The following CLYBL variants were observed in gnomAD, a reference collection of about 807,000 sequenced individuals.
CLYBL encodes the protein citramalyl-CoA lyase, mitochondrial.
A neutral mutation model predicts 38.9 loss-of-function variants in CLYBL; 31 were observed. That is an observed-to-expected ratio of 0.80 (90% confidence interval 0.60 to 1.08). The LOEUF (loss-of-function observed/expected upper bound fraction) is 1.08. Ranked by LOEUF, CLYBL falls within the 50% of genes least tolerant of loss-of-function variation. The pLI is 0.00. For synonymous variants in CLYBL, 171 were observed against 158.6 expected (o/e 1.08, Z -0.59); for missense variants, 434 against 411.6 (o/e 1.05, Z -0.47).
chr13:99,648,137 A>G (rs535621712), intron 1 of CLYBL, among the ~76,000 whole-genome samples: 1 of 152,254 alleles, frequency 6.6e-6, no homozygotes, highest in East Asian at 1.9e-4. Flanking sequence ...ACAAATAAAG[A>G]AAGTATGTTC....
At chr13:99,793,657 A>G (rs2049963786) in intron 2 of CLYBL, among the ~76,000 whole-genome samples, 1 of 152,208 alleles carries the variant, frequency 6.6e-6, no homozygotes, top group African/African-American at 2.4e-5. Context: ...GCAAGGATTC[A>G]AATATCTCTA....
At chr13:99,774,470 A>T (rs2049468458) in intron 2 of CLYBL, among the ~76,000 whole-genome samples, 1 of 152,078 alleles carries the variant, frequency 6.6e-6, no homozygotes, top group Admixed American at 6.6e-5. Flanking sequence ...ACCTTTATCT[A>T]TCCAGGCCCT....
At chr13:99,770,080 C>CTTTTTTTTTTTTTT (rs3033589) in intron 1 of CLYBL, among the ~76,000 whole-genome samples, 1 of 103,182 alleles carries the variant, frequency 9.7e-6, no homozygotes, top group Admixed American at 1.1e-4. Context: ...TCTTTTCTTT[C>CTTTTTTTTTTTTTT]TTTTTTTTTT....
rs565931048 is a variant in CLYBL, at chr13:99,680,431, T to C, written c.62+73674T>C. Among the ~76,000 whole-genome samples the C allele has an allele frequency of 1.1e-4, 17 of 152,342 alleles. No homozygotes were observed. The East Asian group carries it at 2.9e-3, about 26-fold the overall frequency. ...GGATAGCAGAGTTGCCTAACTAATC[T>C]TCCTGTTGCAATGAAATAAAAGAAT... On this transcript the variant is annotated intron_variant, in intron 1 of 8. Transcript: ENST00000339105.
At chr13:99,676,428 G>A (rs989626801) in intron 1 of CLYBL, among the ~76,000 whole-genome samples, 1 of 151,578 alleles carries the variant, frequency 6.6e-6, no homozygotes, top group Non-Finnish European at 1.5e-5. Flanking sequence ...AGCCACTCGA[G>A]TAGCTGGGAT....
At chr13:99,721,077 C>G (rs1199769983) in intron 1 of CLYBL, among the ~76,000 whole-genome samples, 1 of 147,608 alleles carries the variant, frequency 6.8e-6, no homozygotes, top group East Asian at 2.0e-4. Flanking sequence ...GAGTTTCACT[C>G]TTGCCGCCCA....
At chr13:99,789,046 T>C (rs1683185204) in intron 2 of CLYBL, among the ~76,000 whole-genome samples, 1 of 152,204 alleles carries the variant, frequency 6.6e-6, no homozygotes, top group African/African-American at 2.4e-5. Flanking sequence ...TCGGTGGTGA[T>C]ATCCCCTTTA....
chr13:99,705,265 G>T (rs932790267), intron 1 of CLYBL, among the ~76,000 whole-genome samples: 2 of 151,752 alleles, frequency 1.3e-5, no homozygotes, highest in African/African-American at 4.8e-5. Context: ...ACACACGCAA[G>T]AATATTATTC....
At chr13:99,644,842 C>T (rs2047153287) in intron 1 of CLYBL, among the ~76,000 whole-genome samples, 1 of 152,216 alleles carries the variant, frequency 6.6e-6, no homozygotes, top group South Asian at 2.1e-4. Flanking sequence ...TTGCAAATGG[C>T]AGGATCTCAT....
chr13:99,732,023 C>A (rs2048599931), intron 1 of CLYBL, among the ~76,000 whole-genome samples: 1 of 152,042 alleles, frequency 6.6e-6, no homozygotes, highest in African/African-American at 2.4e-5. Flanking sequence ...GCACATTCTG[C>A]TGGGGCTTTG....
rs977895574 is a variant in CLYBL, at chr13:99,606,809, G to T, written c.62+52G>T. The stretch of plus-strand genomic sequence containing the variant: ...TTCCCGGCCCGGCTCGCCGCGGGTC[G>T]GCTCCTGTTGCAGCCCCGCGGGCCG... On this transcript the variant is annotated intron_variant, in intron 1 of 8. Transcript: ENST00000339105. 6 of 1,329,362 alleles carry T rather than the reference G, an allele frequency of 4.5e-6. No homozygotes were observed. The African/African-American group carries it at 9.3e-5, about 21-fold the overall frequency. 82.3% of individuals were successfully genotyped at this position (1,329,362 alleles called of 1,614,324 possible).
At chr13:99,784,449 C>CTCTTGTTTTT (rs71121010) in intron 2 of CLYBL, among the ~76,000 whole-genome samples, 949 of 52,052 alleles carry the variant, frequency 0.018, 21 homozygotes, top group Middle Eastern at 0.048. Context: ...AAAATTCTCT[C>CTCTTGTTTTT]TTTTTTTTTT....
intron 1 of CLYBL, among the ~76,000 whole-genome samples, chr13:99,698,270 C>T (rs1037645617): frequency 4.0e-5 from 6 of 151,858 alleles, no homozygotes; most frequent in African/African-American, 1.5e-4. Context: ...TGGCTCACTG[C>T]AACCTCCACC....
chr13:99,704,616 TC>T (rs2048118337), intron 1 of CLYBL, among the ~76,000 whole-genome samples: 1 of 152,224 alleles, frequency 6.6e-6, no homozygotes, highest in Non-Finnish European at 1.5e-5. Flanking sequence ...TTGAGTACTT[TC>T]TATGAGCCAG....
At chr13:99,824,257 G>GCCCTCCCCCCCCCCC (rs2050646713) in intron 2 of CLYBL, among the ~76,000 whole-genome samples, 2 of 130,414 alleles carry the variant, frequency 1.5e-5, no homozygotes, top group Non-Finnish European at 3.2e-5. Context: ...CTGACTAATA[G>GCCCTCCCCCCCCCCC]CCCCCCCCAC....
chr13:99,773,610 G>T (rs530860923), intron 2 of CLYBL, among the ~76,000 whole-genome samples: 26 of 152,242 alleles, frequency 1.7e-4, no homozygotes, highest in Admixed American at 1.3e-3. Flanking sequence ...ACCTCCCATG[G>T]AATAATTACC....
Position 99,869,167 on chromosome 13 carries a change from T to C in CLYBL, c.803-1771T>C, listed in dbSNP as rs757526522. Among the ~76,000 whole-genome samples the C allele has an allele frequency of 3.3e-5, 5 of 152,208 alleles. No individual in the cohort carries two copies. Among genetic ancestry groups the C allele is most frequent in the Admixed American group, 1.3e-4 (2 of 15,288 alleles). ...ACACATTTCTAAAACCTAACATGTA[T>C]CTTAAAATTAGCCTCATTGCCCAAA... is the stretch of plus-strand genomic sequence containing the variant. On this transcript the variant is annotated intron_variant, in intron 6 of 8. Coordinates refer to ENST00000339105, the MANE Select transcript of CLYBL (RefSeq NM_206808.5). This position sits in a 1 kb window ranked among gnomAD's most constrained non-coding sequence, Gnocchi z 4.3.
In CLYBL at chr13:99,853,668, T is replaced by C. The variant is rs568960326; in HGVS notation, c.250-5193T>C. Among the ~76,000 whole-genome samples, 4 of 152,298 alleles carry C rather than the reference T, an allele frequency of 2.6e-5. No individual in the cohort carries two copies. The South Asian group carries it at 6.2e-4, about 24-fold the overall frequency. On this transcript the variant is annotated intron_variant, in intron 2 of 8. Transcript: ENST00000339105. Reference sequence around the variant, plus strand: ...TGCCTTTTTTTTTCAGTGCAGTCACTACAACAGTCTCTGATCATTATTACA... The same window carrying C: ...TGCCTTTTTTTTTCAGTGCAGTCACCACAACAGTCTCTGATCATTATTACA...
chr13:99,683,614 C>T (rs2047771023), intron 1 of CLYBL, among the ~76,000 whole-genome samples: 1 of 152,098 alleles, frequency 6.6e-6, no homozygotes, highest in Admixed American at 6.5e-5. Flanking sequence ...TCCACCTCTA[C>T]AGCTTGTCCC....
Sources: allele counts gnomAD v4.1 joint callset (sites outside exome capture counted in the v4.1 genomes callset), GRCh38; gene constraint gnomAD v4.1.1; non-coding constraint Gnocchi (gnomAD v3.1); transcripts MANE v1.5; gene names NCBI Gene and HGNC (gene_info 2026-07-23, HGNC 2026-07-21).